Variants in ULK2 observed in about 807,000 individuals in gnomAD.
ULK2 encodes serine/threonine-protein kinase ULK2.
In ULK2, 76 loss-of-function variants were observed where a neutral mutation model predicts 127.5. That is an observed-to-expected ratio of 0.60 (90% CI 0.50 to 0.72). The LOEUF is 0.72. Ranked by LOEUF, ULK2 falls within the 30% of genes least tolerant of loss-of-function variation. ULK2 has a pLI of 0.00. For synonymous variants in ULK2, 452 were observed against 461.9 expected (o/e 0.98, Z 0.28); for missense variants, 1,144 against 1,295.9 (o/e 0.88, Z 1.80).
chr17:19,863,952 T>G (rs962968341), intron 3 of ULK2, among the ~76,000 whole-genome samples: 1 of 152,166 alleles, frequency 6.6e-6, no homozygotes. Flanking sequence ...ATAGTGACCT[T>G]GTTTTTAATT....
Position 19,867,926 on chromosome 17 carries a change from C to CCCGCGCGACTGGCTGCCCTCCGCGACGT in ULK2, c.-510_-509insACGTCGCGGAGGGCAGCCAGTCGCGCGG, listed in dbSNP as rs1205329587. On this transcript the variant is annotated 5_prime_UTR_variant, in exon 1 of 27. Coordinates refer to ENST00000395544, the MANE Select transcript of ULK2 (RefSeq NM_014683.4). ...AACGCCCTCGCGCGCGCTACCCGCT[C>CCCGCGCGACTGGCTGCCCTCCGCGACGT]CCGCGCGACTGGCTGCCCTCCGCGA... The CCCGCGCGACTGGCTGCCCTCCGCGACGT allele has an allele frequency of 4.6e-5, 7 of 151,562 alleles. No individual in the cohort carries two copies. The highest frequency in any genetic ancestry group is 1.3e-4 in the Admixed American group (2 of 15,218). The allele number at this position is 151,562 out of a possible 1,614,324, so 9.4% of individuals were successfully genotyped here.
rs373822402 is a variant in ULK2 at position 19,838,454 on chromosome 17, A to G, written c.787+47T>C. ...CTAGTTTTTAAATCTTTCGGCATAT[A>G]TAACAATAAAATTAGAAAACATGCA... On this transcript the variant is annotated intron_variant, in intron 10 of 26. Transcript: ENST00000395544. 1.1e-5 allele frequency: 16 copies of G among 1,502,282 alleles called. No individual in the cohort carries two copies. The African/African-American group carries it at 1.8e-4, about 17-fold the overall frequency. The allele number at this position is 1,502,282 out of a possible 1,614,324, so 93.1% of individuals were successfully genotyped here. A position where few individuals can be genotyped will look rare whatever the true frequency, so the allele number is the denominator to read the frequency against.
chr17:19,811,037 T>G (rs983419231), intron 13 of ULK2: 1 of 152,200 alleles, frequency 6.6e-6, no homozygotes, highest in South Asian at 2.1e-4. Flanking sequence ...GGAGAATAGC[T>G]TGAGCCCAGG....
intron 20 of ULK2, among the ~76,000 whole-genome samples, chr17:19,790,900 T>C (rs1399905781): frequency 6.6e-6 from 1 of 151,860 alleles, no homozygotes; most frequent in Non-Finnish European, 1.5e-5. Flanking sequence ...ACAAAAACCA[T>C]AAAAAGGGAC....
intron 20 of ULK2, among the ~76,000 whole-genome samples, chr17:19,791,844 C>CAAAAAAA (rs58434256): frequency 1.0e-4 from 5 of 48,206 alleles, no homozygotes; most frequent in Non-Finnish European, 1.5e-4. Flanking sequence ...ACCCTGTTTA[C>CAAAAAAA]AAAAAAAAAA....
intron 3 of ULK2, among the ~76,000 whole-genome samples, chr17:19,852,731 C>T (rs922817912): frequency 2.0e-5 from 3 of 150,516 alleles, no homozygotes; most frequent in Non-Finnish European, 4.4e-5. Context: ...CCAGGGTCCA[C>T]GCCATTCTCC....
chr17:19,832,325 T>C (rs547015363), intron 10 of ULK2, among the ~76,000 whole-genome samples: 1 of 151,278 alleles, frequency 6.6e-6, no homozygotes, highest in East Asian at 1.9e-4. Flanking sequence ...CTGGGTGCAG[T>C]GGCATGACCA....
intron 13 of ULK2, among the ~76,000 whole-genome samples, chr17:19,815,222 G>T (rs1026488936): frequency 2.0e-5 from 3 of 152,038 alleles, no homozygotes; most frequent in Non-Finnish European, 4.4e-5. Context: ...AAAGAGAAAA[G>T]GCACTTTAGC....
chr17:19,812,777 T>A (rs1416275870), intron 13 of ULK2, among the ~76,000 whole-genome samples: 2 of 152,258 alleles, frequency 1.3e-5, no homozygotes, highest in Non-Finnish European at 2.9e-5. Flanking sequence ...TTTGTATATC[T>A]CATAATATCA....
intron 10 of ULK2, among the ~76,000 whole-genome samples, 196 bp downstream of exon 10, chr17:19,838,305 G>A (rs1273853492): frequency 6.6e-6 from 1 of 151,664 alleles, no homozygotes. Flanking sequence ...CATGAGGAGA[G>A]TGATTTTATT....
rs568078259 is a variant in ULK2 at position 19,779,548 on chromosome 17, A to G, written c.2916+924T>C. On this transcript the variant is annotated intron_variant, in intron 25 of 26. Transcript: ENST00000395544. ...CTCCATCTCAAAAAAAAAAAAAAAAAAAAAAAGAAAAACATATGATTGGCT... is the reference window on the plus strand; with the variant it reads ...CTCCATCTCAAAAAAAAAAAAAAAAGAAAAAAGAAAAACATATGATTGGCT... Among the ~76,000 whole-genome samples the G allele has an allele frequency of 1.2e-3, 180 of 151,714 alleles. 2 individuals are homozygous for G. The South Asian group carries it at 0.036, about 30-fold the overall frequency.
chr17:19,786,918 G>C (rs900381257), intron 20 of ULK2, among the ~76,000 whole-genome samples: 2 of 151,540 alleles, frequency 1.3e-5, no homozygotes, highest in South Asian at 4.2e-4. Flanking sequence ...TCTGTTAACT[G>C]ATTTTAAAAA....
chr17:19,833,446 C>T (rs1280583062), intron 10 of ULK2, among the ~76,000 whole-genome samples: 3 of 151,472 alleles, frequency 2.0e-5, no homozygotes, highest in East Asian at 3.9e-4. Flanking sequence ...CAGTGGCTCA[C>T]GCTTGTAATC....
rs1321658368 is a variant in ULK2 at position 19,774,425 on chromosome 17, T to C, written c.*1924A>G. On this transcript the variant is annotated 3_prime_UTR_variant, in exon 27 of 27. Transcript: ENST00000395544. ...CAATCACTTCCCCTCTCTGAACCTG[T>C]TTCATCCTGTCTTAAAAAAGAAATG... 6.6e-6 allele frequency: 1 copy of C among 152,168 alleles called. No individual in the cohort carries two copies. Among genetic ancestry groups the C allele is most frequent in the Non-Finnish European group, 1.5e-5 (1 of 68,048 alleles). 9.4% of individuals were successfully genotyped at this position (152,168 alleles called of 1,614,324 possible). A position where few individuals can be genotyped will look rare whatever the true frequency, so the allele number is the denominator to read the frequency against.
intron 13 of ULK2, among the ~76,000 whole-genome samples, chr17:19,814,865 GA>G (rs1417557985): frequency 1.3e-5 from 2 of 152,114 alleles, no homozygotes; most frequent in Non-Finnish European, 2.9e-5. Flanking sequence ...TTTGGACAGT[GA>G]AAAGGTAGAA....
chr17:19,849,616 TCTA>T (rs897851372), intron 4 of ULK2, 123 bp downstream of exon 4: 37 of 829,788 alleles, frequency 4.5e-5, no homozygotes, highest in African/African-American at 2.8e-4. Context: ...ATTCAAATAA[TCTA>T]CTACCAATTT....
intron 3 of ULK2, 28 bp from the exon 4 acceptor site, chr17:19,849,802 T>C: frequency 7.1e-7 from 1 of 1,412,914 alleles, no homozygotes; most frequent in Non-Finnish European, 9.6e-7. Context: ...TAAATATCAT[T>C]TAGAGAAAAA....
intron 3 of ULK2, among the ~76,000 whole-genome samples, chr17:19,858,179 C>T (rs1263229913): frequency 6.6e-6 from 1 of 151,988 alleles, no homozygotes; most frequent in Non-Finnish European, 1.5e-5. Flanking sequence ...CTGGGCAGGT[C>T]GCTTAAGCTC....
chr17:19,848,878 C>A (rs2041954993), intron 5 of ULK2, among the ~76,000 whole-genome samples: 1 of 152,040 alleles, frequency 6.6e-6, no homozygotes, highest in African/African-American at 2.4e-5. Flanking sequence ...ATTTCAAGCA[C>A]CATCTAATAT....
Sources: gnomAD v4.1 joint callset for allele counts (sites outside exome capture counted in the v4.1 genomes callset) on GRCh38, gnomAD v4.1.1 for gene constraint, MANE v1.5 for transcripts, NCBI Gene and HGNC (gene_info 2026-07-23, HGNC 2026-07-21) for gene names.